The following ADAM2 variants were observed in gnomAD, a reference collection of about 807,000 sequenced individuals.
ADAM2 encodes disintegrin and metalloproteinase domain-containing protein 2.
ADAM2 carries 101 observed loss-of-function variants against 99.3 expected under a neutral mutation model. The ratio of observed to expected loss-of-function variants is 1.02; its 90% CI spans 0.87 to 1.20. The LOEUF (loss-of-function observed/expected upper bound fraction) is 1.20, where lower values mean the gene tolerates loss of function less well. Ranked by LOEUF, ADAM2 falls within the 50% of genes most tolerant of loss-of-function variation. ADAM2 has a pLI of 0.00. For synonymous variants in ADAM2, 323 were observed against 287.6 expected (o/e 1.12, Z -1.25); for missense variants, 948 against 878.7 (o/e 1.08, Z -1.00).
At chr8:39,822,957 C>T (rs750191301) in intron 4 of ADAM2, among the ~76,000 whole-genome samples, 13 of 152,112 alleles carry the variant, frequency 8.5e-5, no homozygotes, top group East Asian at 1.9e-4. Flanking sequence ...TTAGTACAGA[C>T]GGGGTTTCAC....
intron 7 of ADAM2, among the ~76,000 whole-genome samples, chr8:39,793,756 A>T (rs954394869): frequency 2.3e-4 from 35 of 152,244 alleles, no homozygotes; most frequent in African/African-American, 7.9e-4. Context: ...GAGAGAACAT[A>T]AAAATATAAA....
chr8:39,779,008 G>T, intron 10 of ADAM2, among the ~76,000 whole-genome samples: 1 of 148,170 alleles, frequency 6.7e-6, no homozygotes, highest in African/African-American at 2.5e-5. Context: ...TAAAAGCAGG[G>T]TTTTTTTTTT....
chr8:39,836,163 T>C (rs1048961425), intron 2 of ADAM2, among the ~76,000 whole-genome samples: 4 of 152,128 alleles, frequency 2.6e-5, no homozygotes, highest in Admixed American at 1.3e-4. Context: ...ATTAACAAAA[T>C]AGACAATTTT....
intron 1 of ADAM2, 34 bp from the exon 2 acceptor site, chr8:39,837,246 T>C (rs1391363602): frequency 2.0e-6 from 3 of 1,467,752 alleles, no homozygotes; most frequent in Non-Finnish European, 2.8e-6. Flanking sequence ...ATTAGAACAA[T>C]GCCCATCATT....
Position 39,821,066 on chromosome 8 carries a change from A to C in ADAM2, c.449T>G (p.Val150Gly). 2 of 1,605,366 alleles carry C rather than the reference A, an allele frequency of 1.2e-6. No individual in the cohort carries two copies. Among genetic ancestry groups the C allele is most frequent in the Non-Finnish European group, 1.7e-6 (2 of 1,172,458 alleles). The change falls in exon 6 of 21, where the codon GTT becomes GGT. Residue 150 changes from valine to glycine, a missense_variant. Physicochemically the swap from Val to Gly is moderately radical, Grantham distance 109. Transcript: ENST00000265708. ...AATATCCTTCTCATTATATAAGGAA[A>C]CATCTGCTTTCTTATGTTTTACTTG... ...IYQVKHKKAD[V>G]SLYNEKDIES...
chr8:39,800,607 T>C (rs1014681403), intron 7 of ADAM2, among the ~76,000 whole-genome samples: 2 of 152,214 alleles, frequency 1.3e-5, no homozygotes, highest in Admixed American at 6.5e-5. Flanking sequence ...CTGGATAATA[T>C]ACTGAAGTGT....
intron 15 of ADAM2, among the ~76,000 whole-genome samples, chr8:39,759,711 T>C (rs1001087452): frequency 2.6e-5 from 4 of 152,124 alleles, no homozygotes; most frequent in African/African-American, 9.7e-5. Context: ...GTAAACAACC[T>C]GTAAACCTAG....
rs184488973 is a variant in ADAM2, at chr8:39,833,842, C to T, written c.188+102G>A. 3.8e-4 allele frequency: 274 copies of T among 720,566 alleles called. 1 individual carries two copies. The Admixed American group carries it at 6.4e-3, about 17-fold the overall frequency. 44.6% of individuals were successfully genotyped at this position (720,566 alleles called of 1,614,324 possible). On this transcript the variant is annotated intron_variant, in intron 3 of 20. Coordinates refer to ENST00000265708, the MANE Select transcript of ADAM2 (RefSeq NM_001464.5). Reference sequence around the variant, plus strand: ...TAAGGGATGAATGAATGGCAAGAAGCTAGAAATATTTTCAAATACAAAATA... The same window carrying T: ...TAAGGGATGAATGAATGGCAAGAAGTTAGAAATATTTTCAAATACAAAATA...
intron 14 of ADAM2, among the ~76,000 whole-genome samples, chr8:39,761,758 A>G (rs1481706656): frequency 6.6e-6 from 1 of 152,170 alleles, no homozygotes; most frequent in Non-Finnish European, 1.5e-5. Flanking sequence ...ATCCACATGC[A>G]TAATCTGTAT....
chr8:39,821,263 G>A, intron 5 of ADAM2, 93 bp from the exon 6 acceptor site: 1 of 910,394 alleles, frequency 1.1e-6, no homozygotes, highest in Non-Finnish European at 1.6e-6. Flanking sequence ...ATGGTATGCA[G>A]ATTATTTTTA....
At chr8:39,825,179 A>G (rs1425393825) in intron 3 of ADAM2, among the ~76,000 whole-genome samples, 1 of 152,180 alleles carries the variant, frequency 6.6e-6, no homozygotes, top group African/African-American at 2.4e-5. Context: ...AAGTTCTTCA[A>G]CATAGTTCAT....
At chr8:39,756,050 AAAG>A in intron 15 of ADAM2, 139 bp from the exon 16 acceptor site, 2 of 484,416 alleles carry the variant, frequency 4.1e-6, no homozygotes, top group Non-Finnish European at 7.0e-6. Flanking sequence ...AACACCAAAA[AAAG>A]AGCCTTGCCT....
chr8:39,824,894 G>C lies in ADAM2; in HGVS notation c.192C>G (p.Asn64Lys). 1 of 1,431,364 alleles carries C rather than the reference G, an allele frequency of 7.0e-7. No homozygotes were observed. Among genetic ancestry groups the C allele is most frequent in the Non-Finnish European group, 9.7e-7 (1 of 1,025,992 alleles). 88.7% of individuals were successfully genotyped at this position (1,431,364 alleles called of 1,614,324 possible). The change falls in exon 4 of 21, where the codon AAC becomes AAG. Residue 64 changes from asparagine to lysine, a missense_variant. Physicochemically the swap from Asn to Lys is moderately conservative, Grantham distance 94 (BLOSUM62 0). Transcript: ENST00000265708. ...KPYTVNLMQK[N>K]FLPHNFRVYS... ...AAACTCTAAAATTATGGGGTAAAAA[G>C]TTTCTGTAACATAAAGATAAAATGG...
At chr8:39,767,330 A>G in intron 12 of ADAM2, 79 bp from the exon 13 acceptor site, 1 of 1,178,640 alleles carries the variant, frequency 8.5e-7, no homozygotes, top group Non-Finnish European at 1.2e-6. Flanking sequence ...AAGACAACAT[A>G]TTATATAACA....
At chr8:39,805,853 A>G (rs1804414275) in intron 7 of ADAM2, among the ~76,000 whole-genome samples, 1 of 152,252 alleles carries the variant, frequency 6.6e-6, no homozygotes, top group African/African-American at 2.4e-5. Flanking sequence ...GGTGATTTTA[A>G]GCAACAGATC....
At chr8:39,798,567 G>A (rs968226760) in intron 7 of ADAM2, among the ~76,000 whole-genome samples, 1 of 152,186 alleles carries the variant, frequency 6.6e-6, no homozygotes. Context: ...ATGACTTAGG[G>A]AGGAGTCCCT....
Position 39,824,203 on chromosome 8 carries a change from A to G in ADAM2, c.267+616T>C, listed in dbSNP as rs186927050. Among the ~76,000 whole-genome samples the G allele has an allele frequency of 3.2e-3, 478 of 151,512 alleles. 3 individuals carry two copies. The highest frequency in any genetic ancestry group is 0.011 in the African/African-American group (466 of 41,156). On this transcript the variant is annotated intron_variant, in intron 4 of 20. Transcript: ENST00000265708. ...GAGGCTGAGGCAGGAGAATCACTTG[A>G]ACCCAGGAGGCGGAGGTTGCGGTGA...
intron 7 of ADAM2, among the ~76,000 whole-genome samples, chr8:39,801,963 C>T (rs1266670614): frequency 1.3e-5 from 2 of 152,164 alleles, no homozygotes; most frequent in Non-Finnish European, 2.9e-5. Flanking sequence ...GAGCTGGCTG[C>T]TGCCCCTCCC....
intron 3 of ADAM2, among the ~76,000 whole-genome samples, chr8:39,827,964 G>A (rs868665444): frequency 5.3e-5 from 8 of 151,898 alleles, no homozygotes; most frequent in East Asian, 3.8e-4. Context: ...AATATGTTGC[G>A]AACTGTTTAT....
Sources: allele counts gnomAD v4.1 joint callset (sites outside exome capture counted in the v4.1 genomes callset), GRCh38; gene constraint gnomAD v4.1.1; transcripts MANE v1.5; gene names NCBI Gene and HGNC (gene_info 2026-07-23, HGNC 2026-07-21).